Variants in VPS13B observed in about 807,000 individuals in gnomAD.
The protein encoded by VPS13B is vacuolar protein sorting 13 homolog B.
In VPS13B, 285 loss-of-function variants were observed where a neutral mutation model predicts 426.4. The observed-to-expected ratio is 0.67, with a 90% confidence interval of 0.61 to 0.74. VPS13B has a LOEUF of 0.74. VPS13B is among the 30% of genes least tolerant of loss of function. The pLI, the probability that VPS13B is intolerant of heterozygous loss-of-function variation, is 0.00. For missense variants in VPS13B, 4,537 were observed against 4,782.6 expected, an observed-to-expected ratio of 0.95 and a Z score of 1.51; for synonymous variants, 1,676 against 1,676.4, an observed-to-expected ratio of 1.00 and a Z score of 0.01.
chr8:99,102,700 T>A (rs1448909825), intron 4 of VPS13B, among the ~76,000 whole-genome samples: 1 of 152,218 alleles, frequency 6.6e-6, no homozygotes, highest in Non-Finnish European at 1.5e-5. Flanking sequence ...ATATATGGTC[T>A]TTGTGGTTTC....
chr8:99,194,260 G>A (rs1335317765), intron 17 of VPS13B, among the ~76,000 whole-genome samples: 1 of 152,102 alleles, frequency 6.6e-6, no homozygotes, highest in Non-Finnish European at 1.5e-5. Context: ...AAGACTTAGA[G>A]TTTTCTGAAC....
chr8:99,331,800 G>C (rs755541622), intron 19 of VPS13B, among the ~76,000 whole-genome samples: 1 of 151,642 alleles, frequency 6.6e-6, no homozygotes, highest in Non-Finnish European at 1.5e-5. Flanking sequence ...TTAAAGTATT[G>C]CATGTTTACA....
In VPS13B at chr8:99,792,475, TC is replaced by T. The variant is rs1418754931; in HGVS notation, c.7941+8000del. Among the ~76,000 whole-genome samples, 11 of 152,164 alleles carry T rather than the reference TC, an allele frequency of 7.2e-5. No homozygotes were observed. In the East Asian group the frequency reaches 2.1e-3, roughly 29 times the overall value. ...AAAATCTTGAGTGGGCCTAATTTAA[TC>T]AGATTAAAAACCCTAAAAGAGTGAT... On this transcript the variant is annotated intron_variant, in intron 43 of 61. Coordinates refer to ENST00000357162, the MANE Select transcript of VPS13B (RefSeq NM_152564.5).
rs562166624 is a variant in VPS13B, at chr8:99,735,972, T to A, written c.7050+14925T>A. On this transcript the variant is annotated intron_variant, in intron 39 of 61. Transcript: ENST00000357162. Reference sequence around the variant, plus strand: ...CATCTCCCTCTTGTGTTCTCTGCGCTTGGGTCGCAGTGGGCTTAATTGTTT... The same window carrying A: ...CATCTCCCTCTTGTGTTCTCTGCGCATGGGTCGCAGTGGGCTTAATTGTTT... Among the ~76,000 whole-genome samples, 4 of 152,298 alleles carry A rather than the reference T, an allele frequency of 2.6e-5. No individual in the cohort carries two copies. The East Asian group carries it at 5.8e-4, about 22-fold the overall frequency.
At chr8:99,158,176 C>A (rs1375016314) in intron 15 of VPS13B, among the ~76,000 whole-genome samples, 1 of 152,210 alleles carries the variant, frequency 6.6e-6, no homozygotes, top group Admixed American at 6.5e-5. Flanking sequence ...ATAGCCTTCT[C>A]TTGGAAGAAG....
intron 35 of VPS13B, among the ~76,000 whole-genome samples, chr8:99,675,092 A>T (rs916394610): frequency 2.6e-5 from 4 of 151,788 alleles, no homozygotes; most frequent in African/African-American, 9.7e-5. Context: ...CTTGAAAAAA[A>T]CTCCTTAGCA....
chr8:99,847,310 G>A (rs918992415), intron 54 of VPS13B, among the ~76,000 whole-genome samples: 5 of 152,174 alleles, frequency 3.3e-5, no homozygotes, highest in Admixed American at 1.3e-4. Context: ...TAATAATTGG[G>A]TCAGACACAT....
At chr8:99,530,491 G>A (rs1822873196) in intron 30 of VPS13B, among the ~76,000 whole-genome samples, 1 of 151,896 alleles carries the variant, frequency 6.6e-6, no homozygotes, top group Non-Finnish European at 1.5e-5. Context: ...GCTGGCGCCT[G>A]TAATTCCAGC....
chr8:99,553,092 A>C (rs191410637), intron 30 of VPS13B, among the ~76,000 whole-genome samples: 16 of 152,184 alleles, frequency 1.1e-4, no homozygotes, highest in Non-Finnish European at 1.9e-4. Flanking sequence ...CCTGAGCTTC[A>C]TCTCCTCCTG....
intron 3 of VPS13B, among the ~76,000 whole-genome samples, chr8:99,073,040 T>TTGTTCTTTTTGCTC (rs1417097592): frequency 1.3e-5 from 2 of 152,148 alleles, no homozygotes; most frequent in African/African-American, 4.8e-5. Flanking sequence ...GCCTGTAGGT[T>TTGTTCTTTTTGCTC]TGTTCTTTTT....
chr8:99,027,441 C>T (rs1221381432), intron 2 of VPS13B, among the ~76,000 whole-genome samples: 1 of 151,998 alleles, frequency 6.6e-6, no homozygotes, highest in East Asian at 1.9e-4. Context: ...TCTGCTTCAT[C>T]AGTGAGATTG....
At chr8:99,411,138 C>T (rs1305138363) in intron 21 of VPS13B, among the ~76,000 whole-genome samples, 1 of 152,196 alleles carries the variant, frequency 6.6e-6, no homozygotes, top group African/African-American at 2.4e-5. Flanking sequence ...GGAATTGCCA[C>T]ACTGTCTTCC....
intron 20 of VPS13B, among the ~76,000 whole-genome samples, chr8:99,386,924 A>C (rs750918437): frequency 6.6e-6 from 1 of 152,148 alleles, no homozygotes; most frequent in Non-Finnish European, 1.5e-5. Context: ...AACAATGATC[A>C]CACCACTGTA....
At chr8:99,649,995 G>A (rs950053236) in intron 34 of VPS13B, among the ~76,000 whole-genome samples, 7 of 152,132 alleles carry the variant, frequency 4.6e-5, no homozygotes, top group African/African-American at 1.2e-4. Flanking sequence ...TTTGCTTTTT[G>A]TGTCTTTTAC....
intron 16 of VPS13B, 111 bp downstream of exon 16, chr8:99,170,274 G>GA (rs1159853149): frequency 2.4e-5 from 33 of 1,356,080 alleles, no homozygotes; most frequent in African/African-American, 7.4e-5. Context: ...CAAAACTTTA[G>GA]AAAAAAAATC....
At chr8:99,172,356 T>C (rs1203827853) in intron 16 of VPS13B, among the ~76,000 whole-genome samples, 1 of 152,152 alleles carries the variant, frequency 6.6e-6, no homozygotes, top group East Asian at 1.9e-4. Context: ...TATTGAGGAA[T>C]GGATATAATC....
intron 3 of VPS13B, among the ~76,000 whole-genome samples, chr8:99,086,780 T>C (rs936248312): frequency 3.3e-5 from 5 of 152,206 alleles, no homozygotes; most frequent in African/African-American, 9.7e-5. Context: ...TGGATATTGG[T>C]GAACAGCAAA....
intron 21 of VPS13B, among the ~76,000 whole-genome samples, chr8:99,416,032 G>A (rs536504953): frequency 6.6e-6 from 1 of 152,330 alleles, no homozygotes; most frequent in African/African-American, 2.4e-5. Context: ...CCTTCCTGCA[G>A]GTGCTCTGTC....
intron 25 of VPS13B, among the ~76,000 whole-genome samples, chr8:99,492,118 C>A (rs1232779172): frequency 1.3e-5 from 2 of 152,184 alleles, no homozygotes; most frequent in Non-Finnish European, 2.9e-5. Context: ...AGCAGTCAGG[C>A]TCCTCAGCTG....
Sources: gnomAD v4.1 joint callset for allele counts (sites outside exome capture counted in the v4.1 genomes callset) on GRCh38, gnomAD v4.1.1 for gene constraint, MANE v1.5 for transcripts, NCBI Gene and HGNC (gene_info 2026-07-23, HGNC 2026-07-21) for gene names.